Variants in RASA3 observed in about 807,000 individuals in gnomAD.
RASA3 encodes ras GTPase-activating protein 3.
In RASA3, 73 loss-of-function variants were observed where a neutral mutation model predicts 110.0. The observed-to-expected ratio is 0.66, with a 90% CI of 0.55 to 0.81. The LOEUF is 0.81. Ranked by LOEUF, RASA3 falls within the 30% of genes least tolerant of loss-of-function variation. The pLI is 0.00. For missense variants in RASA3, 976 were observed against 1,113.2 expected (o/e 0.88, Z 1.75); for synonymous variants, 500 against 451.4 (o/e 1.11, Z -1.37).
chr13:114,094,495 T>C (rs188251579), intron 1 of RASA3, among the ~76,000 whole-genome samples: 2 of 152,298 alleles, frequency 1.3e-5, no homozygotes, highest in Admixed American at 1.3e-4. Flanking sequence ...TACAAAGTGT[T>C]GAAACTAGAG....
chr13:114,075,889 C>G (rs34764755), intron 1 of RASA3, among the ~76,000 whole-genome samples: 361 of 25,312 alleles, frequency 0.014, 4 homozygotes, highest in Middle Eastern at 0.05. Flanking sequence ...CTCCCGTGTC[C>G]GCGCCGCGTA....
intron 8 of RASA3, 50 bp from the exon 9 acceptor site, chr13:114,021,558 G>A (rs1233366553): frequency 1.4e-6 from 2 of 1,474,172 alleles, no homozygotes; most frequent in Non-Finnish European, 1.9e-6. Context: ...CAGCCCGTGT[G>A]GAGCAAAGAT....
At chr13:113,998,653 CG>C (rs1229008475) in intron 20 of RASA3, among the ~76,000 whole-genome samples, 1 of 152,218 alleles carries the variant, frequency 6.6e-6, no homozygotes, top group Non-Finnish European at 1.5e-5. Context: ...GGTGACGCCA[CG>C]GACACCTCTA....
chr13:114,132,461 A>G lies in RASA3; in HGVS notation c.29T>C (p.Val10Ala). The change falls in exon 1 of 24, where the codon GTC becomes GCC. Residue 10 changes from valine (V) to alanine (A), a missense_variant. Transcript: ENST00000334062. The part of the protein sequence containing the change: MAVEDEGLR[V>A]FQSVKIKIGE... ...GATCTTGATCTTCACGCTCTGGAAG[A>G]CCCGGAGCCCCTCGTCCTCCACCGC... The G allele has an allele frequency of 1.3e-6, 2 of 1,517,074 alleles. No individual in the cohort carries two copies. Among genetic ancestry groups the G allele is most frequent in the South Asian group, 1.2e-5 (1 of 81,490 alleles). 94.0% of individuals were successfully genotyped at this position (1,517,074 alleles called of 1,614,324 possible).
At chr13:113,982,624 C>T (rs914891762) in intron 22 of RASA3, among the ~76,000 whole-genome samples, 9 of 152,258 alleles carry the variant, frequency 5.9e-5, no homozygotes, top group Non-Finnish European at 8.8e-5. Flanking sequence ...CACGCACTCC[C>T]GGAGCCAGCA....
chr13:114,013,816 G>A (rs1473036090), intron 14 of RASA3, among the ~76,000 whole-genome samples: 9 of 102,918 alleles, frequency 8.7e-5, no homozygotes, highest in Admixed American at 1.1e-4. Flanking sequence ...CTCTCTCCCC[G>A]TCTCTTTCTC....
At chr13:114,023,404 C>T (rs1264931928) in intron 8 of RASA3, among the ~76,000 whole-genome samples, 1 of 152,200 alleles carries the variant, frequency 6.6e-6, no homozygotes, top group Non-Finnish European at 1.5e-5. Context: ...AGGAGGGAGC[C>T]GTTTCCTTCC....
intron 2 of RASA3, among the ~76,000 whole-genome samples, chr13:114,062,734 G>A (rs978501298): frequency 7.2e-5 from 11 of 152,212 alleles, no homozygotes; most frequent in African/African-American, 1.9e-4. Flanking sequence ...TCAGACATGC[G>A]TGCTCACAGC....
At chr13:114,034,217 T>G (rs2054237217) in intron 4 of RASA3, among the ~76,000 whole-genome samples, 1 of 152,192 alleles carries the variant, frequency 6.6e-6, no homozygotes. Context: ...CAGGAGAAAG[T>G]GCCTGACCCA....
chr13:114,015,212 G>T lies in RASA3; in HGVS notation c.1402C>A (p.Gln468Lys). The change falls in exon 14 of 24, where the codon CAG becomes AAG. Residue 468 changes from glutamine to lysine, a missense_variant. Physicochemically the swap from Gln to Lys is moderately conservative, Grantham distance 53. Coordinates refer to ENST00000334062, the MANE Select transcript of RASA3 (RefSeq NM_007368.4). ...TGAGGGTGTTCAGGGCACTCACCCT[G>T]GAAGCGCTTGGCCGCCGCCTCCCGG... Reference protein sequence around the residue: ...SLREAAAKRFQDDPDVRYTAV... With the variant: ...SLREAAAKRFKDDPDVRYTAV... 2 of 1,612,946 alleles carry T rather than the reference G, an allele frequency of 1.2e-6. No individual in the cohort carries two copies. Among genetic ancestry groups the T allele is most frequent in the Non-Finnish European group, 1.7e-6 (2 of 1,179,968 alleles).
chr13:114,129,686 AG>A (rs772287948), intron 1 of RASA3, among the ~76,000 whole-genome samples: 7 of 152,240 alleles, frequency 4.6e-5, no homozygotes, highest in Non-Finnish European at 7.3e-5. Flanking sequence ...GTGAGGGGGC[AG>A]GGTGTTAACT....
intron 17 of RASA3, 57 bp downstream of exon 17, chr13:114,009,330 A>G: frequency 1.5e-6 from 2 of 1,371,384 alleles, no homozygotes; most frequent in South Asian, 2.4e-5. Flanking sequence ...ATTTTAAAAG[A>G]GAACTCCGTC....
chr13:114,011,549 G>A lies in RASA3; in HGVS notation c.1513-301C>T, dbSNP rs904670235. ...CATCAGGTGGGGTCATGGCTCTGGG[G>A]CGCTGAGTCTCGGGGTGCTGAGTCT... On this transcript the variant is annotated intron_variant, in intron 15 of 23. Coordinates refer to ENST00000334062, the MANE Select transcript of RASA3 (RefSeq NM_007368.4). The surrounding 1 kb of genome is among the most constrained non-coding windows in gnomAD (Gnocchi z 4.8). 1.3e-5 allele frequency among the ~76,000 whole-genome samples: 2 copies of A among 152,130 alleles called. No homozygotes were observed. The highest frequency in any genetic ancestry group is 1.5e-5 in the Non-Finnish European group (1 of 68,026).
intron 2 of RASA3, among the ~76,000 whole-genome samples, chr13:114,073,308 T>G (rs2079607829): frequency 1.5e-5 from 2 of 129,490 alleles, no homozygotes; most frequent in South Asian, 5.0e-4. Flanking sequence ...ACAGAAAAAT[T>G]CCCTACACAT....
intron 18 of RASA3, among the ~76,000 whole-genome samples, chr13:114,002,591 T>G (rs2053430486): frequency 1.3e-5 from 2 of 152,128 alleles, no homozygotes; most frequent in Admixed American, 6.5e-5. Context: ...TAGATTTGAG[T>G]AGCAGTCTTG....
chr13:114,031,267 G>T (rs923636477), intron 4 of RASA3, among the ~76,000 whole-genome samples: 2 of 149,492 alleles, frequency 1.3e-5, no homozygotes, highest in African/African-American at 2.6e-5. Flanking sequence ...GCCTGTGTTT[G>T]CATGAAACTG....
chr13:114,015,363 C>T, intron 13 of RASA3, 31 bp from the exon 14 acceptor site: 1 of 1,609,654 alleles, frequency 6.2e-7, no homozygotes, highest in South Asian at 1.1e-5. Context: ...GGGACCCACT[C>T]CCGAGGCTGC....
intron 1 of RASA3, among the ~76,000 whole-genome samples, chr13:114,092,405 T>TA (rs990789528): frequency 6.6e-6 from 1 of 152,208 alleles, no homozygotes; most frequent in African/African-American, 2.4e-5. Flanking sequence ...TTTTCCCTCT[T>TA]AATTTCTTCC....
intron 2 of RASA3, among the ~76,000 whole-genome samples, chr13:114,059,231 G>A (rs2079297217): frequency 6.6e-6 from 1 of 151,272 alleles, no homozygotes; most frequent in Non-Finnish European, 1.5e-5. Context: ...CCGCCTGGAG[G>A]AGCCGCCGTC....
Sources: allele counts gnomAD v4.1 joint callset (sites outside exome capture counted in the v4.1 genomes callset), GRCh38; gene constraint gnomAD v4.1.1; non-coding constraint Gnocchi (gnomAD v3.1); transcripts MANE v1.5; gene names NCBI Gene and HGNC (gene_info 2026-07-23, HGNC 2026-07-21).